DLGAP2: variants seen among roughly 807,000 people sequenced by gnomAD.
The protein encoded by DLGAP2 is DLG associated protein 2.
Under a neutral mutation model 100.3 loss-of-function variants are expected in DLGAP2, and 26 were observed. That is an observed-to-expected ratio of 0.26 (90% CI 0.19 to 0.36). The LOEUF is 0.36. Among genes scored for constraint, DLGAP2 ranks in the 10% least tolerant of loss-of-function variants. The pLI is 1.00. For missense variants in DLGAP2, 1,858 were observed against 1,453.2 expected, an observed-to-expected ratio of 1.28 and a Z score of -4.53; for synonymous variants, 886 against 630.1, an observed-to-expected ratio of 1.41 and a Z score of -6.08.
chr8:1,100,596 A>G (rs1205397109), intron 2 of DLGAP2, among the ~76,000 whole-genome samples: 1 of 152,188 alleles, frequency 6.6e-6, no homozygotes, highest in East Asian at 1.9e-4. Context: ...ATACAGGGGA[A>G]TTACTCTATA....
chr8:1,687,526 C>T (rs1484860416), intron 12 of DLGAP2, among the ~76,000 whole-genome samples: 2 of 152,220 alleles, frequency 1.3e-5, no homozygotes, highest in South Asian at 2.1e-4. Context: ...TTCTCACTCA[C>T]TGAACAGCAA....
intron 2 of DLGAP2, among the ~76,000 whole-genome samples, chr8:993,937 T>A (rs1011067812): frequency 6.6e-6 from 1 of 152,082 alleles, no homozygotes; most frequent in African/African-American, 2.4e-5. Context: ...GCTGGTAATT[T>A]TCCCTTTTTG....
At chr8:1,316,696 A>C (rs1170647594) in intron 3 of DLGAP2, among the ~76,000 whole-genome samples, 1 of 140,210 alleles carries the variant, frequency 7.1e-6, no homozygotes, top group Non-Finnish European at 1.5e-5. Flanking sequence ...AGCGTGCGTG[A>C]GTGCAGTGTC....
At chr8:1,182,472 C>T (rs187388371) in intron 2 of DLGAP2, among the ~76,000 whole-genome samples, 66 of 152,178 alleles carry the variant, frequency 4.3e-4, no homozygotes, top group African/African-American at 1.4e-3. Context: ...GCTGAATTCT[C>T]GTAGCCCTAA....
At chr8:1,037,535 T>TGCATCATCTGCTGTCCCTCCCG (rs1802169495) in intron 2 of DLGAP2, among the ~76,000 whole-genome samples, 1 of 152,076 alleles carries the variant, frequency 6.6e-6, no homozygotes, top group African/African-American at 2.4e-5. Flanking sequence ...ACGTGTCAGC[T>TGCATCATCTGCTGTCCCTCCCG]GCATCATCTG....
intron 6 of DLGAP2, among the ~76,000 whole-genome samples, chr8:1,617,521 T>C (rs1797194939): frequency 6.6e-6 from 1 of 152,262 alleles, no homozygotes; most frequent in African/African-American, 2.4e-5. Context: ...CACATGTATG[T>C]CTTCGTTTGA....
At chr8:1,067,610 T>C (rs1222597748) in intron 2 of DLGAP2, among the ~76,000 whole-genome samples, 1 of 90,112 alleles carries the variant, frequency 1.1e-5, no homozygotes, top group Non-Finnish European at 2.6e-5. Flanking sequence ...GTGACGTGTG[T>C]GTGTGTGTGT....
intron 1 of DLGAP2, among the ~76,000 whole-genome samples, chr8:882,704 C>G (rs1394920682): frequency 1.4e-5 from 2 of 138,528 alleles, no homozygotes; most frequent in African/African-American, 5.5e-5. Context: ...CCAGCGGTAC[C>G]TCTCCCTGCG....
intron 12 of DLGAP2, among the ~76,000 whole-genome samples, chr8:1,682,240 T>C (rs1406199222): frequency 6.6e-6 from 1 of 152,134 alleles, no homozygotes; most frequent in Non-Finnish European, 1.5e-5. Context: ...CGTTAGCCAT[T>C]GGAAAATAAG....
intron 1 of DLGAP2, among the ~76,000 whole-genome samples, chr8:750,562 CAATG>C (rs558097132): frequency 2.8e-4 from 42 of 152,222 alleles, no homozygotes; most frequent in Non-Finnish European, 5.6e-4. Flanking sequence ...TCAAAATTGC[CAATG>C]AATGGTAACA....
At chr8:1,444,617 A>G (rs1227933003) in intron 3 of DLGAP2, among the ~76,000 whole-genome samples, 1 of 152,034 alleles carries the variant, frequency 6.6e-6, no homozygotes, top group Non-Finnish European at 1.5e-5. Context: ...CTCCTTCTCC[A>G]TCATCCCTCC....
At chr8:1,050,057 T>C (rs974185939) in intron 2 of DLGAP2, among the ~76,000 whole-genome samples, 2 of 152,248 alleles carry the variant, frequency 1.3e-5, no homozygotes, top group African/African-American at 4.8e-5. Context: ...CACACACATG[T>C]ACATACGTGT....
intron 2 of DLGAP2, among the ~76,000 whole-genome samples, chr8:1,007,160 T>C (rs1801140776): frequency 6.6e-6 from 1 of 151,070 alleles, no homozygotes; most frequent in Admixed American, 6.6e-5. Context: ...GTATGCCGTG[T>C]ATATGAAGTC....
At chr8:1,040,479 GCTCGGTTTCCGTGGTCGT>G (rs1802309241) in intron 2 of DLGAP2, among the ~76,000 whole-genome samples, 1 of 149,388 alleles carries the variant, frequency 6.7e-6, no homozygotes, top group African/African-American at 2.5e-5. Flanking sequence ...TGCATGGTCG[GCTCGGTTTCCGTGGTCGT>G]CTCGGTGTGC....
intron 2 of DLGAP2, among the ~76,000 whole-genome samples, chr8:1,156,562 G>C (rs932233373): frequency 6.6e-6 from 1 of 152,002 alleles, no homozygotes; most frequent in African/African-American, 2.4e-5. Flanking sequence ...CCACGCTCTA[G>C]CTCAGCGCCC....
intron 3 of DLGAP2, among the ~76,000 whole-genome samples, chr8:1,435,002 G>T (rs966287787): frequency 6.6e-6 from 1 of 152,162 alleles, no homozygotes; most frequent in Non-Finnish European, 1.5e-5. Flanking sequence ...TCAGTACTCT[G>T]TGTTATTCTT....
chr8:1,576,173 G>C (rs1447033405), intron 6 of DLGAP2, among the ~76,000 whole-genome samples: 2 of 152,152 alleles, frequency 1.3e-5, no homozygotes, highest in African/African-American at 4.8e-5. Flanking sequence ...ACTGGTGTGC[G>C]ATGGTGTCTC....
At chr8:909,095 G>C (rs1195928298) in intron 2 of DLGAP2, among the ~76,000 whole-genome samples, 1 of 152,130 alleles carries the variant, frequency 6.6e-6, no homozygotes, top group Non-Finnish European at 1.5e-5. Flanking sequence ...AACTCTTCTT[G>C]AGAATGAGGA....
intron 6 of DLGAP2, among the ~76,000 whole-genome samples, chr8:1,624,652 G>A (rs1797443927): frequency 6.6e-6 from 1 of 151,946 alleles, no homozygotes; most frequent in African/African-American, 2.4e-5. Context: ...ACTGGCAGTC[G>A]ACCTGGGGGA....
Sources: gnomAD v4.1 joint callset for allele counts (sites outside exome capture counted in the v4.1 genomes callset) on GRCh38, gnomAD v4.1.1 for gene constraint, MANE v1.5 for transcripts, NCBI Gene and HGNC (gene_info 2026-07-23, HGNC 2026-07-21) for gene names.